Variants in GLB1 observed in about 807,000 individuals in gnomAD.
GLB1 encodes the protein galactosidase beta 1, also known as beta-galactosidase.
GLB1 carries 56 observed loss-of-function variants against 74.0 expected under a neutral mutation model. The ratio of observed to expected loss-of-function variants is 0.76; its 90% CI spans 0.61 to 0.94. The LOEUF (loss-of-function observed/expected upper bound fraction) is 0.94. Among genes scored for constraint, GLB1 ranks in the 40% least tolerant of loss-of-function variants. The probability of loss-of-function intolerance (pLI) is 0.00; values close to 1 mark genes in which losing one functional copy is unlikely to be tolerated. For missense variants in GLB1, 787 were observed against 845.5 expected (o/e 0.93, Z 0.86); for synonymous variants, 323 against 323.6 (o/e 1.00, Z 0.02).
At chr3:32,993,679 T>C (rs564876939), downstream of GLB1, among the ~76,000 whole-genome samples, 28 of 151,918 alleles carry the variant, frequency 1.8e-4, no homozygotes, top group East Asian at 5.4e-3. Context: ...GGATTACAGG[T>C]GCCTGCCACC....
chr3:33,061,171 G>A (rs1699427577), intron 5 of GLB1, among the ~76,000 whole-genome samples: 1 of 152,198 alleles, frequency 6.6e-6, no homozygotes, highest in Admixed American at 6.5e-5. Flanking sequence ...AGTACTTTGG[G>A]AGGCTGAGGC....
chr3:32,971,101 C>A, the GLB1 span, among the ~76,000 whole-genome samples: 1 of 152,214 alleles, frequency 6.6e-6, no homozygotes, highest in African/African-American at 2.4e-5. Context: ...CTGTAACATT[C>A]AGTGGTCTAC....
At chr3:33,060,835 C>A (rs1335991793) in intron 5 of GLB1, among the ~76,000 whole-genome samples, 2 of 152,152 alleles carry the variant, frequency 1.3e-5, no homozygotes, top group Non-Finnish European at 1.5e-5. Context: ...GGGACTCCAC[C>A]TGTAAAGTGT....
At chr3:32,962,955 A>G in the GLB1 span, among the ~76,000 whole-genome samples, 1 of 152,146 alleles carries the variant, frequency 6.6e-6, no homozygotes, top group Non-Finnish European at 1.5e-5. Context: ...AAAAGCTTAC[A>G]TAAGAATGAA....
chr3:33,079,554 T>G (rs1285171047), intron 1 of GLB1, among the ~76,000 whole-genome samples: 2 of 152,236 alleles, frequency 1.3e-5, no homozygotes, highest in East Asian at 1.9e-4. Context: ...TGAAAAATTT[T>G]CCTAGCAAAA....
At chr3:32,966,195 C>A in the GLB1 span, among the ~76,000 whole-genome samples, 151 of 152,332 alleles carry the variant, frequency 9.9e-4, no homozygotes, top group African/African-American at 3.5e-3. Flanking sequence ...GAAAAAACTG[C>A]AGACAGTGTC....
At chr3:33,000,105 A>G (rs1462877223) in intron 15 of GLB1, among the ~76,000 whole-genome samples, 1 of 150,502 alleles carries the variant, frequency 6.6e-6, no homozygotes, top group Non-Finnish European at 1.5e-5. Flanking sequence ...ATGCCTGGCT[A>G]ATTTTTGTAC....
intron 9 of GLB1, among the ~76,000 whole-genome samples, chr3:33,048,333 G>A (rs1177686339): frequency 2.6e-5 from 4 of 152,214 alleles, no homozygotes; most frequent in Admixed American, 6.5e-5. Flanking sequence ...GGGCAGCATC[G>A]CAGAGAAATG....
rs1224651908 is a variant in GLB1 at position 33,097,100 on chromosome 3, C to T, written c.-15G>A. The T allele has an allele frequency of 1.2e-6, 2 of 1,611,776 alleles. No homozygotes were observed. The highest frequency in any genetic ancestry group is 1.1e-5 in the South Asian group (1 of 90,806). ...AACCCCGGCATGACCACCAGCCTCCCGGCTCTGCAGTCGGCGCCCAGGCCG... is the reference window on the plus strand; with the variant it reads ...AACCCCGGCATGACCACCAGCCTCCTGGCTCTGCAGTCGGCGCCCAGGCCG... On this transcript the variant is annotated 5_prime_UTR_variant, in exon 1 of 16. Coordinates refer to ENST00000307363, the MANE Select transcript of GLB1 (RefSeq NM_000404.4).
At chr3:33,045,408 A>C in intron 10 of GLB1, 1 of 985,348 alleles carries the variant, frequency 1.0e-6, no homozygotes, top group Non-Finnish European at 1.2e-6. Context: ...CAATTGGCTT[A>C]AGGTTGAAGA....
the GLB1 span, among the ~76,000 whole-genome samples, chr3:32,981,082 C>T: frequency 4.9e-3 from 542 of 110,074 alleles, 4 homozygotes; most frequent in African/African-American, 0.018. Context: ...CAAAGCGAGA[C>T]TCCGTCTCAA....
At chr3:33,035,244 C>T (rs1698221303) in intron 10 of GLB1, among the ~76,000 whole-genome samples, 1 of 151,924 alleles carries the variant, frequency 6.6e-6, no homozygotes, top group African/African-American at 2.4e-5. Context: ...GCAGCCCGGG[C>T]AACATAGGGA....
chr3:33,014,978 G>T (rs1179786209), intron 14 of GLB1, among the ~76,000 whole-genome samples: 1 of 152,016 alleles, frequency 6.6e-6, no homozygotes, highest in Non-Finnish European at 1.5e-5. Flanking sequence ...AAACAAAAAG[G>T]GATCCAGTCT....
chr3:33,073,014 G>T (rs1472444514), intron 1 of GLB1, among the ~76,000 whole-genome samples: 1 of 152,098 alleles, frequency 6.6e-6, no homozygotes, highest in Non-Finnish European at 1.5e-5. Context: ...TGTTCATGGG[G>T]CTGGGGAACA....
intron 10 of GLB1, among the ~76,000 whole-genome samples, chr3:33,033,294 T>C (rs970790209): frequency 6.6e-6 from 1 of 152,220 alleles, no homozygotes; most frequent in African/African-American, 2.4e-5. Context: ...GGAGAGATAG[T>C]TCCCCAATTT....
chr3:32,968,799 C>A, the GLB1 span, among the ~76,000 whole-genome samples: 1 of 152,192 alleles, frequency 6.6e-6, no homozygotes, highest in African/African-American at 2.4e-5. Context: ...TCTTGTATGT[C>A]CACAAATGAA....
rs114799429 is a variant in GLB1, at chr3:33,062,049, T to C, written c.552+3414A>G. ...TGGCTGCAAACACGTAGCTCCTCCCTGGCCATCTCAAACTCTGAGCACTGA... is the reference window on the plus strand; with the variant it reads ...TGGCTGCAAACACGTAGCTCCTCCCCGGCCATCTCAAACTCTGAGCACTGA... On this transcript the variant is annotated intron_variant, in intron 5 of 15. Transcript: ENST00000307363. 5.8e-3 allele frequency among the ~76,000 whole-genome samples: 880 copies of C among 152,356 alleles called. 6 individuals are homozygous for C. The highest frequency in any genetic ancestry group is 0.02 in the African/African-American group (826 of 41,588).
intron 1 of GLB1, among the ~76,000 whole-genome samples, chr3:33,074,342 AAGGAAGGAAGGAAGGAAGGAAGG>A (rs2125556683): frequency 2.1e-5 from 1 of 48,272 alleles, no homozygotes; most frequent in Non-Finnish European, 4.7e-5. Context: ...GGAAGGAAGG[AAGGAAGGAAGGAAGGAAGGAAGG>A]AAGGAAGGAA....
intron 1 of GLB1, among the ~76,000 whole-genome samples, chr3:33,080,599 G>C (rs559380621): frequency 3.3e-5 from 5 of 152,328 alleles, no homozygotes; most frequent in African/African-American, 1.2e-4. Context: ...GGGACAAAGA[G>C]GGTGGAGAAC....
Sources: gnomAD v4.1 joint callset for allele counts (sites outside exome capture counted in the v4.1 genomes callset) on GRCh38, gnomAD v4.1.1 for gene constraint, MANE v1.5 for transcripts, NCBI Gene and HGNC (gene_info 2026-07-23, HGNC 2026-07-21) for gene names.